The following SLC44A5 variants were observed in gnomAD, a reference collection of about 807,000 sequenced individuals.
SLC44A5 encodes solute carrier family 44 member 5, also known as choline transporter-like protein 5.
Under a neutral mutation model 101.8 loss-of-function variants are expected in SLC44A5, and 57 were observed. The ratio of observed to expected loss-of-function variants is 0.56; its 90% CI spans 0.45 to 0.70. SLC44A5 has a LOEUF of 0.70. Ranked by LOEUF, SLC44A5 falls within the 30% of genes least tolerant of loss-of-function variation. The probability of loss-of-function intolerance (pLI) is 0.00; values close to 1 mark genes in which losing one functional copy is unlikely to be tolerated. For missense variants in SLC44A5, 737 were observed against 853.1 expected (o/e 0.86, Z 1.70); for synonymous variants, 281 against 290.9 (o/e 0.97, Z 0.35).
chr1:75,530,285 G>T (rs961357624), intron 2 of SLC44A5, among the ~76,000 whole-genome samples: 1 of 152,120 alleles, frequency 6.6e-6, no homozygotes, highest in African/African-American at 2.4e-5. Context: ...AATATCAAGA[G>T]TATAAAAATT....
intron 7 of SLC44A5, among the ~76,000 whole-genome samples, chr1:75,245,205 T>C (rs1320407337): frequency 2.0e-5 from 3 of 152,130 alleles, no homozygotes; most frequent in Non-Finnish European, 4.4e-5. Flanking sequence ...TCCACATGTA[T>C]TTCCTCTTTC....
chr1:75,287,736 A>T (rs1359849391), intron 5 of SLC44A5, among the ~76,000 whole-genome samples: 1 of 152,090 alleles, frequency 6.6e-6, no homozygotes, highest in Non-Finnish European at 1.5e-5. Context: ...CTAGCCACCC[A>T]GTGGAACTAA....
intron 1 of SLC44A5, among the ~76,000 whole-genome samples, chr1:75,543,186 T>C (rs1053666066): frequency 3.9e-5 from 6 of 152,206 alleles, no homozygotes; most frequent in Non-Finnish European, 8.8e-5. Flanking sequence ...TACTCATAAC[T>C]GACAACTAAT....
intron 1 of SLC44A5, among the ~76,000 whole-genome samples, chr1:75,550,063 G>C (rs957191851): frequency 6.6e-6 from 1 of 152,150 alleles, no homozygotes; most frequent in African/African-American, 2.4e-5. Flanking sequence ...ATTTTTAAAA[G>C]ATTATTCTGC....
intron 9 of SLC44A5, among the ~76,000 whole-genome samples, chr1:75,240,336 T>C (rs1648507458): frequency 6.6e-6 from 1 of 152,036 alleles, no homozygotes; most frequent in African/African-American, 2.4e-5. Context: ...TTCCATTGAG[T>C]GCTATTTAAT....
intron 12 of SLC44A5, among the ~76,000 whole-genome samples, chr1:75,228,924 A>C (rs1446518438): frequency 6.6e-6 from 1 of 151,662 alleles, no homozygotes; most frequent in Non-Finnish European, 1.5e-5. Flanking sequence ...TAAAATAATA[A>C]TTTTAGTGTC....
intron 2 of SLC44A5, among the ~76,000 whole-genome samples, chr1:75,484,509 G>A (rs1668048316): frequency 6.6e-6 from 1 of 152,232 alleles, no homozygotes; most frequent in Non-Finnish European, 1.5e-5. Flanking sequence ...ACTCTGCAGT[G>A]TACAGTCCCT....
the SLC44A5 span, among the ~76,000 whole-genome samples, chr1:75,636,671 A>G: frequency 2.7e-4 from 41 of 152,152 alleles, no homozygotes; most frequent in Non-Finnish European, 4.1e-4. Flanking sequence ...AGGAATTTTA[A>G]TCCAGATAAG....
intron 5 of SLC44A5, among the ~76,000 whole-genome samples, chr1:75,275,901 T>G (rs919954644): frequency 2.6e-5 from 4 of 152,214 alleles, no homozygotes; most frequent in Non-Finnish European, 5.9e-5. Context: ...TGGAAACATA[T>G]CTCTTTGTCC....
chr1:75,346,682 A>T (rs1380638422), intron 3 of SLC44A5, among the ~76,000 whole-genome samples: 1 of 152,174 alleles, frequency 6.6e-6, no homozygotes. Flanking sequence ...AAACAAGAAC[A>T]TGAATTGAGC....
chr1:75,207,262 C>A (rs763102685), intron 23 of SLC44A5, among the ~76,000 whole-genome samples: 8 of 152,116 alleles, frequency 5.3e-5, no homozygotes, highest in Admixed American at 2.0e-4. Flanking sequence ...CTTCTTGACA[C>A]CTAGTTTTGC....
rs150630210 is a variant in SLC44A5, at chr1:75,253,382, G to A, written c.261-2088C>T. 4.6e-5 allele frequency among the ~76,000 whole-genome samples: 7 copies of A among 151,742 alleles called. No individual in the cohort carries two copies. In the East Asian group the frequency reaches 1.4e-3, roughly 29 times the overall value. On this transcript the variant is annotated intron_variant, in intron 6 of 23. Coordinates refer to ENST00000370859, the MANE Select transcript of SLC44A5 (RefSeq NM_001130058.2). ...TGTCTGAAAACTATGTAATCTGCCT[G>A]AAATATCAAAGTGAGAAGGGAAATC...
intron 1 of SLC44A5, among the ~76,000 whole-genome samples, chr1:75,607,801 G>C (rs1225278597): frequency 6.6e-6 from 1 of 151,928 alleles, no homozygotes; most frequent in African/African-American, 2.4e-5. Flanking sequence ...CTGCCATGAT[G>C]GTGAGGCCTC....
the SLC44A5 span, among the ~76,000 whole-genome samples, chr1:75,696,041 A>G: frequency 6.6e-6 from 1 of 152,044 alleles, no homozygotes; most frequent in African/African-American, 2.4e-5. Flanking sequence ...TGCATCAGTC[A>G]GGATATGTTA....
chr1:75,501,561 T>C (rs780346348), intron 2 of SLC44A5, among the ~76,000 whole-genome samples: 1 of 152,166 alleles, frequency 6.6e-6, no homozygotes, highest in Non-Finnish European at 1.5e-5. Context: ...AAGCATTCTA[T>C]AAAGTTCAAA....
chr1:75,257,097 T>C (rs146997481), intron 6 of SLC44A5, among the ~76,000 whole-genome samples: 5 of 152,276 alleles, frequency 3.3e-5, no homozygotes, highest in African/African-American at 1.2e-4. Context: ...TGAGAGACCA[T>C]TGCTTTTATT....
At chr1:75,393,758 G>A (rs1450409519) in intron 3 of SLC44A5, among the ~76,000 whole-genome samples, 1 of 152,170 alleles carries the variant, frequency 6.6e-6, no homozygotes, top group African/African-American at 2.4e-5. Flanking sequence ...TGATTATTTT[G>A]TGGAGAATAG....
intron 2 of SLC44A5, among the ~76,000 whole-genome samples, chr1:75,413,655 C>G (rs17097978): frequency 0.026 from 3,936 of 152,214 alleles, 147 homozygotes; most frequent in African/African-American, 0.08. Flanking sequence ...CTTCCTTTCT[C>G]TCTACCATAG....
chr1:75,479,613 C>T (rs1381843397), intron 2 of SLC44A5, among the ~76,000 whole-genome samples: 1 of 152,326 alleles, frequency 6.6e-6, no homozygotes, highest in South Asian at 2.1e-4. Context: ...TCAGAGAATA[C>T]TACAAACACC....
Sources: gnomAD v4.1 joint callset for allele counts (sites outside exome capture counted in the v4.1 genomes callset) on GRCh38, gnomAD v4.1.1 for gene constraint, MANE v1.5 for transcripts, NCBI Gene and HGNC (gene_info 2026-07-23, HGNC 2026-07-21) for gene names.